ABCC9: variants seen among roughly 807,000 people sequenced by gnomAD.
The protein encoded by ABCC9 is ATP binding cassette subfamily C member 9, also known as ATP-binding cassette sub-family C member 9.
In ABCC9, 95 loss-of-function variants were observed where a neutral mutation model predicts 188.3. The observed-to-expected ratio is 0.50, with a 90% CI of 0.43 to 0.60. The LOEUF is 0.60. Among genes scored for constraint, ABCC9 ranks in the 20% least tolerant of loss-of-function variants. ABCC9 has a pLI of 0.00. For synonymous variants in ABCC9, 659 were observed against 652.7 expected (o/e 1.01, Z -0.15); for missense variants, 1,102 against 1,876.3 (o/e 0.59, Z 7.62).
In ABCC9 at chr12:21,818,268, GA is replaced by G; in HGVS notation, c.3670-18del. ...CAGATAATCCTTTGAAAAAGCAAGA[GA>G]AAATGTTAAAAGGTTACTCCCAAGT... On this transcript the variant is annotated intron_variant, in intron 31 of 39. Coordinates refer to ENST00000261200, the MANE Select transcript of ABCC9 (RefSeq NM_020297.4). 1.2e-6 allele frequency: 2 copies of G among 1,604,698 alleles called. No homozygotes were observed. The highest frequency in any genetic ancestry group is 1.7e-6 in the Non-Finnish European group (2 of 1,171,770).
chr12:21,805,058 A>G, intron 39 of ABCC9: 23 of 1,387,668 alleles, frequency 1.7e-5, no homozygotes, highest in Non-Finnish European at 2.2e-5. Context: ...CCCTGCAGTT[A>G]GTTCCCTCAT....
At chr12:21,840,340 T>C (rs984758060) in intron 29 of ABCC9, among the ~76,000 whole-genome samples, 1 of 152,180 alleles carries the variant, frequency 6.6e-6, no homozygotes, top group Non-Finnish European at 1.5e-5. Flanking sequence ...TATGGTTATA[T>C]TTGCTAACTT....
At chr12:21,864,943 C>G (rs138274652) in intron 18 of ABCC9, among the ~76,000 whole-genome samples, 1 of 152,164 alleles carries the variant, frequency 6.6e-6, no homozygotes, top group African/African-American at 2.4e-5. Flanking sequence ...GAAAGATACA[C>G]AAAACACACT....
At chr12:21,819,032 A>G (rs138875431) in intron 31 of ABCC9, among the ~76,000 whole-genome samples, 37 of 152,296 alleles carry the variant, frequency 2.4e-4, no homozygotes, top group Non-Finnish European at 2.2e-4. Context: ...ATTCAATTAT[A>G]AACTCTTTTC....
chr12:21,855,385 A>G (rs952267160), intron 22 of ABCC9, among the ~76,000 whole-genome samples: 9 of 151,912 alleles, frequency 5.9e-5, no homozygotes, highest in Non-Finnish European at 1.0e-4. Flanking sequence ...ACGCCCCGCT[A>G]ATTTTTTTGT....
intron 16 of ABCC9, among the ~76,000 whole-genome samples, chr12:21,878,773 T>C (rs1427305403): frequency 3.3e-5 from 5 of 152,070 alleles, no homozygotes; most frequent in South Asian, 2.1e-4. Flanking sequence ...TGGTGCTACA[T>C]TGAAGTAAAA....
At chr12:21,805,955 C>T (rs1350190991) in intron 39 of ABCC9, 43 bp downstream of exon 39, 3 of 1,591,170 alleles carry the variant, frequency 1.9e-6, no homozygotes, top group Non-Finnish European at 2.6e-6. Flanking sequence ...CATGTTAGAA[C>T]AAAAACCAAA....
chr12:21,836,896 G>A (rs921002138), intron 30 of ABCC9, among the ~76,000 whole-genome samples: 2 of 152,242 alleles, frequency 1.3e-5, no homozygotes, highest in Admixed American at 1.3e-4. Flanking sequence ...GAAATAAAAA[G>A]GACAACATGG....
chr12:21,857,469 C>T (rs1294190540), intron 22 of ABCC9, among the ~76,000 whole-genome samples: 1 of 152,088 alleles, frequency 6.6e-6, no homozygotes, highest in Non-Finnish European at 1.5e-5. Context: ...TAAGAGCTGT[C>T]TGTGGTAGAA....
intron 29 of ABCC9, among the ~76,000 whole-genome samples, chr12:21,840,635 A>G (rs980246300): frequency 2.0e-5 from 3 of 152,218 alleles, no homozygotes; most frequent in African/African-American, 7.2e-5. Context: ...CAGTGATGAA[A>G]TAACTCTGAA....
Position 21,923,662 on chromosome 12 carries a change from C to T in ABCC9, c.406+2280G>A, listed in dbSNP as rs369801706. ...ACATGTGGAACTGGAACTCTTACAC[C>T]TTGTTAGTGAGTATAAAAAATGATA... On this transcript the variant is annotated intron_variant, in intron 5 of 39. Coordinates refer to ENST00000261200, the MANE Select transcript of ABCC9 (RefSeq NM_020297.4). 3.2e-3 allele frequency: 1,839 copies of T among 570,562 alleles called. 33 individuals carry two copies. The South Asian group carries it at 0.033, about 10-fold the overall frequency. 35.3% of individuals were successfully genotyped at this position (570,562 alleles called of 1,614,324 possible).
Position 21,838,093 on chromosome 12 carries a change from G to A in ABCC9, c.3551C>T (p.Thr1184Ile). ...GTTTACTCACCTAAAGGCCCGAATG[G>A]TGGTGAGTCCTTCTGCTGTTTCTGA... ...HFSETAEGLT[T>I]IRAFRHETRF... The change falls in exon 30 of 40, where the codon ACC becomes ATC. Residue 1184 changes from threonine to isoleucine, a missense_variant. Thr to Ile is a moderately conservative substitution (Grantham distance 89). This residue lies in a region of ABCC9 where 143 missense variants were observed against 225.6 expected (regional missense o/e 0.63). Coordinates refer to ENST00000261200, the MANE Select transcript of ABCC9 (RefSeq NM_020297.4). 1.9e-6 allele frequency: 3 copies of A among 1,613,904 alleles called. No individual in the cohort carries two copies. The highest frequency in any genetic ancestry group is 2.5e-6 in the Non-Finnish European group (3 of 1,179,792).
At chr12:21,889,809 C>A (rs1947063164) in intron 14 of ABCC9, among the ~76,000 whole-genome samples, 1 of 152,072 alleles carries the variant, frequency 6.6e-6, no homozygotes, top group Admixed American at 6.6e-5. Context: ...CTTCTTAACA[C>A]CCCACTTTGA....
At chr12:21,831,801 C>T (rs953076612) in intron 30 of ABCC9, among the ~76,000 whole-genome samples, 1 of 152,178 alleles carries the variant, frequency 6.6e-6, no homozygotes, top group Admixed American at 6.5e-5. Context: ...AGGTTCTTCT[C>T]CCTAGAGGAC....
chr12:21,900,098 CT>C (rs1947648952), intron 12 of ABCC9, among the ~76,000 whole-genome samples: 1 of 152,174 alleles, frequency 6.6e-6, no homozygotes, highest in South Asian at 2.1e-4. Context: ...CCGGGTACCC[CT>C]CTGAGACGAA....
chr12:21,849,629 A>C (rs1304630308), intron 24 of ABCC9, among the ~76,000 whole-genome samples: 1 of 151,808 alleles, frequency 6.6e-6, no homozygotes, highest in East Asian at 1.9e-4. Context: ...AAAAACCCAA[A>C]CAAACTTTAA....
At chr12:21,899,976 A>T (rs1750496674) in intron 12 of ABCC9, among the ~76,000 whole-genome samples, 1 of 152,160 alleles carries the variant, frequency 6.6e-6, no homozygotes, top group South Asian at 2.1e-4. Flanking sequence ...TTCTCCTAGC[A>T]TGGAGTTTGG....
intron 28 of ABCC9, among the ~76,000 whole-genome samples, chr12:21,843,862 A>G (rs998924927): frequency 6.6e-6 from 1 of 152,224 alleles, no homozygotes; most frequent in African/African-American, 2.4e-5. Flanking sequence ...GGTATTCCGA[A>G]TGCTACTCTG....
rs1007835424 is a variant in ABCC9, at chr12:21,845,702, G to A, written c.2997C>T (p.Phe999=). Reference sequence around the variant, plus strand: ...TGACCGAATGCTTCAAAAGCTTAGAGAAAATCATCAGGATGAGCAGGAAGA... The same window carrying A: ...TGACCGAATGCTTCAAAAGCTTAGAAAAAATCATCAGGATGAGCAGGAAGA... ...GGFFLLILMI[F]SKLLKHSVIV... The change falls in exon 26 of 40, where the codon TTC becomes TTT. Residue 999 remains phenylalanine, a synonymous_variant. Transcript: ENST00000261200. 1 of 1,613,908 alleles carries A rather than the reference G, an allele frequency of 6.2e-7. No homozygotes were observed. Among genetic ancestry groups the A allele is most frequent in the South Asian group, 1.1e-5 (1 of 91,080 alleles).
Sources: allele counts gnomAD v4.1 joint callset (sites outside exome capture counted in the v4.1 genomes callset), GRCh38; gene constraint gnomAD v4.1.1; regional missense constraint gnomAD v4.1.1; transcripts MANE v1.5; gene names NCBI Gene and HGNC (gene_info 2026-07-23, HGNC 2026-07-21).